KIAA1217: variants seen among roughly 807,000 people sequenced by gnomAD.
KIAA1217 encodes the protein KIAA1217.
A neutral mutation model predicts 163.9 loss-of-function variants in KIAA1217; 88 were observed. That is an observed-to-expected ratio of 0.54 (90% confidence interval 0.45 to 0.64). KIAA1217 has a LOEUF of 0.64. Ranked by LOEUF, KIAA1217 falls within the 30% of genes least tolerant of loss-of-function variation. KIAA1217 has a pLI of 0.00. For synonymous variants in KIAA1217, 903 were observed against 923.1 expected (o/e 0.98, Z 0.39); for missense variants, 2,372 against 2,475.0 (o/e 0.96, Z 0.88).
intron 2 of KIAA1217, among the ~76,000 whole-genome samples, chr10:24,055,995 C>G (rs1167340077): frequency 6.6e-6 from 1 of 151,418 alleles, no homozygotes; most frequent in East Asian, 1.9e-4. Context: ...TTTATAATGC[C>G]TGGTTGTTCT....
chr10:23,826,175 C>T (rs1026354625), intron 1 of KIAA1217, among the ~76,000 whole-genome samples: 2 of 151,782 alleles, frequency 1.3e-5, no homozygotes, highest in South Asian at 2.1e-4. Flanking sequence ...TTTTCAGTTA[C>T]ACCCTCCAGG....
Position 23,898,142 on chromosome 10 carries a change from A to G in KIAA1217, c.-320-109083A>G, listed in dbSNP as rs551084855. 4.6e-5 allele frequency among the ~76,000 whole-genome samples: 7 copies of G among 152,102 alleles called. 1 individual carries two copies. In the South Asian group the frequency reaches 1.5e-3, roughly 32 times the overall value. On this transcript the variant is annotated intron_variant, in intron 1 of 18. Transcript: ENST00000376462. ...ATTTTACTGAACAAGCTGCACATAA[A>G]TTCTGATTCTAACCAGGATACCGGG...
intron 1 of KIAA1217, among the ~76,000 whole-genome samples, chr10:23,816,095 CTT>C (rs1341880159): frequency 6.6e-6 from 1 of 152,200 alleles, no homozygotes; most frequent in East Asian, 1.9e-4. Context: ...TTAAGCAAAA[CTT>C]CAAGAATGTT....
intron 1 of KIAA1217, among the ~76,000 whole-genome samples, chr10:23,766,812 G>A (rs1368370048): frequency 1.3e-5 from 2 of 151,938 alleles, no homozygotes; most frequent in African/African-American, 2.4e-5. Flanking sequence ...GGGTCATCTC[G>A]AACTCGTGCC....
At chr10:23,841,996 T>A (rs1375010460) in intron 1 of KIAA1217, among the ~76,000 whole-genome samples, 1 of 151,996 alleles carries the variant, frequency 6.6e-6, no homozygotes, top group African/African-American at 2.4e-5. Flanking sequence ...ACCTCCCAAG[T>A]AGCTGGGATT....
intron 1 of KIAA1217, among the ~76,000 whole-genome samples, chr10:23,789,887 CATATATATG>C (rs1283652098): frequency 6.8e-6 from 1 of 147,952 alleles, no homozygotes; most frequent in African/African-American, 2.5e-5. Context: ...ATATATATAT[CATATATATG>C]ATATATACAT....
chr10:23,955,385 C>T (rs933235213), intron 1 of KIAA1217, among the ~76,000 whole-genome samples: 1 of 152,204 alleles, frequency 6.6e-6, no homozygotes, highest in Non-Finnish European at 1.5e-5. Context: ...GGGATAGCTT[C>T]CCTCCAGGAA....
intron 2 of KIAA1217, among the ~76,000 whole-genome samples, chr10:24,302,460 A>G (rs1315523104): frequency 6.6e-6 from 1 of 152,256 alleles, no homozygotes; most frequent in African/African-American, 2.4e-5. Flanking sequence ...CTCTTTTATG[A>G]GTGAATTACC....
At chr10:23,867,364 C>A (rs1315583377) in intron 1 of KIAA1217, among the ~76,000 whole-genome samples, 1 of 151,690 alleles carries the variant, frequency 6.6e-6, no homozygotes, top group East Asian at 1.9e-4. Context: ...GGGTATATAC[C>A]CAGTAATGGG....
intron 14 of KIAA1217, among the ~76,000 whole-genome samples, chr10:24,528,700 A>G (rs1178214259): frequency 6.6e-6 from 1 of 152,140 alleles, no homozygotes; most frequent in Admixed American, 6.5e-5. Flanking sequence ...AATGGCCAAT[A>G]AAGGAAAATT....
intron 2 of KIAA1217, among the ~76,000 whole-genome samples, chr10:24,316,127 A>C (rs1472238276): frequency 6.6e-6 from 1 of 152,160 alleles, no homozygotes; most frequent in Non-Finnish European, 1.5e-5. Context: ...ATAATATATG[A>C]AACATCAGGG....
intron 1 of KIAA1217, among the ~76,000 whole-genome samples, chr10:23,859,911 G>A (rs1312009290): frequency 1.3e-5 from 2 of 151,688 alleles, no homozygotes; most frequent in Non-Finnish European, 2.9e-5. Flanking sequence ...AGACCTGTAA[G>A]ACTTGCCTTT....
intron 2 of KIAA1217, among the ~76,000 whole-genome samples, chr10:24,178,360 A>G (rs2131941185): frequency 1.3e-5 from 2 of 152,378 alleles, no homozygotes; most frequent in South Asian, 4.1e-4. Flanking sequence ...TCCTATCCCC[A>G]TTTCATGGAT....
intron 6 of KIAA1217, among the ~76,000 whole-genome samples, chr10:24,486,807 A>G (rs1382981100): frequency 6.6e-6 from 1 of 151,274 alleles, no homozygotes; most frequent in African/African-American, 2.4e-5. Flanking sequence ...TTTCTCCTTC[A>G]TGTTCGTTGG....
intron 4 of KIAA1217, among the ~76,000 whole-genome samples, chr10:24,435,580 C>G (rs1035696967): frequency 6.6e-6 from 1 of 152,198 alleles, no homozygotes; most frequent in African/African-American, 2.4e-5. Context: ...GCCTCACTGT[C>G]TTGCAGCCTG....
intron 2 of KIAA1217, among the ~76,000 whole-genome samples, chr10:24,182,820 G>T (rs1336146044): frequency 6.6e-6 from 1 of 152,130 alleles, no homozygotes; most frequent in East Asian, 1.9e-4. Context: ...GATTTTAGGA[G>T]ATTATTTGCA....
chr10:23,801,819 C>T (rs930315875), intron 1 of KIAA1217, among the ~76,000 whole-genome samples: 1 of 152,194 alleles, frequency 6.6e-6, no homozygotes, highest in African/African-American at 2.4e-5. Flanking sequence ...GGCATGGGTT[C>T]AGCCTGGTGT....
intron 2 of KIAA1217, among the ~76,000 whole-genome samples, chr10:24,122,982 G>A (rs2063338385): frequency 6.6e-6 from 1 of 151,830 alleles, no homozygotes; most frequent in Admixed American, 6.6e-5. Context: ...TATTAGTTCA[G>A]AAAACTTGTA....
intron 1 of KIAA1217, among the ~76,000 whole-genome samples, chr10:23,819,826 A>G (rs1471719915): frequency 6.6e-6 from 1 of 152,188 alleles, no homozygotes; most frequent in Non-Finnish European, 1.5e-5. Context: ...GTAGTTCAGG[A>G]GCTTGAATTC....
Sources: gnomAD v4.1 joint callset for allele counts (sites outside exome capture counted in the v4.1 genomes callset) on GRCh38, gnomAD v4.1.1 for gene constraint, MANE v1.5 for transcripts, NCBI Gene and HGNC (gene_info 2026-07-23, HGNC 2026-07-21) for gene names.